LARP1B: variants seen among roughly 807,000 people sequenced by gnomAD.
The protein encoded by LARP1B is la-related protein 1B.
A neutral mutation model predicts 114.2 loss-of-function variants in LARP1B; 76 were observed. The ratio of observed to expected loss-of-function variants is 0.67; its 90% CI spans 0.55 to 0.81. LARP1B has a LOEUF of 0.81. LARP1B is among the 30% of genes least tolerant of loss of function. The pLI is 0.00. For synonymous variants in LARP1B, 345 were observed against 348.0 expected (o/e 0.99, Z 0.10); for missense variants, 1,014 against 1,075.8 (o/e 0.94, Z 0.80).
chr4:128,080,695 C>G (rs1033101330), intron 4 of LARP1B, among the ~76,000 whole-genome samples: 1 of 152,136 alleles, frequency 6.6e-6, no homozygotes, highest in Non-Finnish European at 1.5e-5. Context: ...CAGAATTTCA[C>G]TATAGAATAA....
At chr4:128,128,944 C>G (rs1239223769) in intron 11 of LARP1B, among the ~76,000 whole-genome samples, 1 of 151,994 alleles carries the variant, frequency 6.6e-6, no homozygotes, top group Admixed American at 6.6e-5. Context: ...GTGGGCAGAT[C>G]ACGAGGTCAG....
chr4:128,073,418 CAAAAAAAAAA>C (rs776553862), intron 1 of LARP1B, among the ~76,000 whole-genome samples: 2 of 42,910 alleles, frequency 4.7e-5, no homozygotes, highest in Non-Finnish European at 3.7e-5. Context: ...GATTCCGTCT[CAAAAAAAAAA>C]AAAAAAAAAA....
chr4:128,173,141 A>T (rs1450178083), intron 12 of LARP1B, among the ~76,000 whole-genome samples: 4 of 152,090 alleles, frequency 2.6e-5, no homozygotes, highest in Non-Finnish European at 5.9e-5. Context: ...CAAAGTGTGA[A>T]TCCAGGATTT....
At chr4:128,130,381 A>G (rs1791180803) in intron 11 of LARP1B, among the ~76,000 whole-genome samples, 1 of 152,218 alleles carries the variant, frequency 6.6e-6, no homozygotes, top group Admixed American at 6.5e-5. Flanking sequence ...AAAAAACTTG[A>G]AAGACCTGAG....
intron 11 of LARP1B, among the ~76,000 whole-genome samples, chr4:128,159,842 C>T (rs750709841): frequency 2.0e-5 from 3 of 152,194 alleles, no homozygotes; most frequent in Non-Finnish European, 4.4e-5. Flanking sequence ...CTCAATTCAG[C>T]AATTCCACTC....
At position 128,125,232 on chromosome 4, in the gene LARP1B, G is replaced by A. The variant is rs555183071; in HGVS notation, c.1524+3044G>A. On this transcript the variant is annotated intron_variant, in intron 11 of 19. Transcript: ENST00000326639. ...AACGGGTAAAAACCATAAACTCAGG[G>A]ACCATTCAAAACTGTGGATTCCCAT... Among the ~76,000 whole-genome samples the A allele has an allele frequency of 8.5e-5, 13 of 152,186 alleles. No individual in the cohort carries two copies. In the South Asian group the frequency reaches 2.5e-3, roughly 29 times the overall value.
intron 4 of LARP1B, among the ~76,000 whole-genome samples, chr4:128,081,688 CTAACAGT>C (rs1047962754): frequency 6.6e-6 from 1 of 152,120 alleles, no homozygotes; most frequent in Non-Finnish European, 1.5e-5. Context: ...CTTCTTTAGA[CTAACAGT>C]TAAATTTACA....
At chr4:128,209,606 TATACTA>T (rs1194625307) in intron 19 of LARP1B, among the ~76,000 whole-genome samples, 2 of 151,838 alleles carry the variant, frequency 1.3e-5, no homozygotes, top group Non-Finnish European at 2.9e-5. Flanking sequence ...AAGTTTTTGT[TATACTA>T]ATACAATCTG....
At chr4:128,209,716 C>T (rs1234622738) in intron 19 of LARP1B, 140 bp from the exon 20 acceptor site, 2 of 582,768 alleles carry the variant, frequency 3.4e-6, no homozygotes, top group African/African-American at 4.6e-5. Context: ...GAATGAGACT[C>T]CATCAAAAAA....
intron 15 of LARP1B, among the ~76,000 whole-genome samples, chr4:128,198,134 C>T (rs1012179319): frequency 1.3e-5 from 2 of 152,120 alleles, no homozygotes; most frequent in Non-Finnish European, 2.9e-5. Flanking sequence ...ATCCGCCAAC[C>T]TCGGCCTCCC....
At chr4:128,111,281 C>G (rs566910087) in intron 9 of LARP1B, among the ~76,000 whole-genome samples, 2 of 152,202 alleles carry the variant, frequency 1.3e-5, no homozygotes, top group East Asian at 3.9e-4. Flanking sequence ...CTCCTGACTT[C>G]AGGTGATCAC....
chr4:128,103,727 T>A (rs1037623564), intron 8 of LARP1B, among the ~76,000 whole-genome samples: 5 of 152,010 alleles, frequency 3.3e-5, no homozygotes, highest in African/African-American at 1.2e-4. Flanking sequence ...CACGCCTGGC[T>A]AATTTTTGTA....
At chr4:128,197,980 G>A (rs1369022684) in intron 15 of LARP1B, among the ~76,000 whole-genome samples, 1 of 150,236 alleles carries the variant, frequency 6.7e-6, no homozygotes, top group African/African-American at 2.5e-5. Flanking sequence ...CGCTGCCCGG[G>A]TTCAAGTGAT....
Position 128,219,196 on chromosome 4 carries a change from G to A in LARP1B, n.849-1159G>A, listed in dbSNP as rs1466265707. Among the ~76,000 whole-genome samples the A allele has an allele frequency of 8.1e-5, 12 of 148,394 alleles. 1 individual carries two copies. Among genetic ancestry groups the A allele is most frequent in the South Asian group, 4.3e-4 (2 of 4,642 alleles). On this transcript the variant is annotated intron_variant and non_coding_transcript_variant, in intron 6 of 7. Coordinates refer to the LARP1B transcript ENST00000503725. Reference sequence around the variant, plus strand: ...ATAGGAACACTTTGACACTGTTGGTGGGACTGTAAACTAGTTCAACCATTG... The same window carrying A: ...ATAGGAACACTTTGACACTGTTGGTAGGACTGTAAACTAGTTCAACCATTG...
intron 1 of LARP1B, among the ~76,000 whole-genome samples, chr4:128,072,612 A>C (rs1271253325): frequency 6.6e-6 from 1 of 151,168 alleles, no homozygotes; most frequent in African/African-American, 2.4e-5. Context: ...GCTGGAGTGC[A>C]GTGGTGCAGT....
chr4:128,155,265 G>A, intron 11 of LARP1B: 1 of 390,938 alleles, frequency 2.6e-6, no homozygotes, highest in Non-Finnish European at 4.6e-6. Flanking sequence ...TGAAAAAGTA[G>A]GTTTAAAAAA....
Position 128,188,161 on chromosome 4 carries a change from G to A in LARP1B, c.2003+8649G>A, listed in dbSNP as rs546582359. 7.3e-5 allele frequency among the ~76,000 whole-genome samples: 11 copies of A among 150,746 alleles called. No homozygotes were observed. In the East Asian group the frequency reaches 9.8e-4, roughly 13 times the overall value. ...GTGATTTCAGCTCACTGCAACCTCC[G>A]CCTCCCGGGTTCAAGTGATTCTCCT... On this transcript the variant is annotated intron_variant, in intron 15 of 19. Transcript: ENST00000326639.
chr4:128,159,651 T>A (rs1561449009), intron 11 of LARP1B, among the ~76,000 whole-genome samples: 1 of 152,186 alleles, frequency 6.6e-6, no homozygotes, highest in Non-Finnish European at 1.5e-5. Flanking sequence ...TCACTAAAAG[T>A]TTATAGTTTA....
intron 15 of LARP1B, among the ~76,000 whole-genome samples, chr4:128,187,314 A>C (rs1159891046): frequency 1.3e-5 from 2 of 152,266 alleles, no homozygotes; most frequent in East Asian, 3.8e-4. Flanking sequence ...AGCCATAGGC[A>C]TGGAGCTGCC....
Sources: gnomAD v4.1 joint callset for allele counts (sites outside exome capture counted in the v4.1 genomes callset) on GRCh38, gnomAD v4.1.1 for gene constraint, MANE v1.5 for transcripts, NCBI Gene and HGNC (gene_info 2026-07-23, HGNC 2026-07-21) for gene names.